NTRK3: variants seen among roughly 807,000 people sequenced by gnomAD.
The protein encoded by NTRK3 is neurotrophic receptor tyrosine kinase 3, also known as NT-3 growth factor receptor.
A neutral mutation model predicts 91.7 loss-of-function variants in NTRK3; 24 were observed. That is an observed-to-expected ratio of 0.26 (90% CI 0.19 to 0.37). The LOEUF is 0.37. NTRK3 is among the 10% of genes least tolerant of loss of function. The pLI is 1.00. For missense variants in NTRK3, 880 were observed against 1,068.9 expected (o/e 0.82, Z 2.46); for synonymous variants, 483 against 404.0 (o/e 1.20, Z -2.34).
At chr15:88,098,112 C>G (rs920363210) in intron 13 of NTRK3, among the ~76,000 whole-genome samples, 7 of 152,186 alleles carry the variant, frequency 4.6e-5, no homozygotes, top group Admixed American at 1.3e-4. Context: ...CTAGTTCAAG[C>G]TGCTACTGAA....
At chr15:87,922,572 T>A (rs908069978) in intron 17 of NTRK3, among the ~76,000 whole-genome samples, 8 of 152,134 alleles carry the variant, frequency 5.3e-5, no homozygotes, top group Non-Finnish European at 7.4e-5. Flanking sequence ...AAACAAAAAA[T>A]GAAATACAAC....
chr15:88,118,609 A>C (rs965241369), intron 13 of NTRK3, among the ~76,000 whole-genome samples: 4 of 152,240 alleles, frequency 2.6e-5, no homozygotes, highest in African/African-American at 9.6e-5. Context: ...GCCAAAAATC[A>C]GTTTGAATTT....
chr15:88,087,460 G>C (rs967726618), intron 13 of NTRK3, among the ~76,000 whole-genome samples: 1 of 152,182 alleles, frequency 6.6e-6, no homozygotes, highest in African/African-American at 2.4e-5. Flanking sequence ...CTGTCACTCA[G>C]CCTCATGAAT....
chr15:88,159,798 G>C (rs925150633), intron 5 of NTRK3, among the ~76,000 whole-genome samples: 1 of 152,006 alleles, frequency 6.6e-6, no homozygotes, highest in Non-Finnish European at 1.5e-5. Context: ...CAATGGGGAC[G>C]TGCCCCTGGC....
intron 5 of NTRK3, among the ~76,000 whole-genome samples, chr15:88,151,242 C>T (rs1320836118): frequency 2.0e-5 from 3 of 152,112 alleles, no homozygotes; most frequent in Admixed American, 2.0e-4. Context: ...GACTACCAAA[C>T]AAAGCCATTA....
chr15:87,977,893 A>G, intron 14 of NTRK3: 1 of 232,784 alleles, frequency 4.3e-6, no homozygotes. Flanking sequence ...TCCCAGTTAA[A>G]TTTGCCAAAG....
intron 13 of NTRK3, among the ~76,000 whole-genome samples, chr15:88,070,817 A>G (rs1332417053): frequency 6.6e-6 from 1 of 152,138 alleles, no homozygotes; most frequent in Non-Finnish European, 1.5e-5. Context: ...TCTTGACAAC[A>G]AGGGGCCTCA....
At chr15:87,894,747 A>G (rs74027281) in intron 17 of NTRK3, among the ~76,000 whole-genome samples, 6,025 of 152,166 alleles carry the variant, frequency 0.04, 412 homozygotes, top group African/African-American at 0.14. Context: ...CCACATATGC[A>G]AGAGGCTGCC....
intron 13 of NTRK3, among the ~76,000 whole-genome samples, chr15:88,097,292 T>G (rs775185453): frequency 7.2e-5 from 11 of 152,236 alleles, no homozygotes; most frequent in Admixed American, 6.5e-4. Flanking sequence ...GGGATATTAT[T>G]GCTACTATCA....
At chr15:88,010,525 A>C (rs2076803863) in intron 14 of NTRK3, among the ~76,000 whole-genome samples, 1 of 152,220 alleles carries the variant, frequency 6.6e-6, no homozygotes, top group Non-Finnish European at 1.5e-5. Context: ...AAAGGATGGG[A>C]AGAATGAAAC....
intron 10 of NTRK3, among the ~76,000 whole-genome samples, chr15:88,132,257 C>G (rs10163123): frequency 0.31 from 47,309 of 152,222 alleles, 7,693 homozygotes; most frequent in African/African-American, 0.4. Flanking sequence ...AGCTCTACAT[C>G]CTAAGAATCT....
chr15:87,952,567 C>G (rs929274483), intron 14 of NTRK3, among the ~76,000 whole-genome samples: 1 of 152,206 alleles, frequency 6.6e-6, no homozygotes, highest in African/African-American at 2.4e-5. Flanking sequence ...CTCCCACAGG[C>G]TTCCTCTGGA....
At chr15:87,906,026 G>A (rs1043110894) in intron 17 of NTRK3, among the ~76,000 whole-genome samples, 2 of 152,174 alleles carry the variant, frequency 1.3e-5, no homozygotes, top group Non-Finnish European at 2.9e-5. Context: ...CCACACATGG[G>A]ACATTCGGGT....
chr15:88,120,499 A>C (rs1399861015), intron 13 of NTRK3, among the ~76,000 whole-genome samples: 1 of 152,194 alleles, frequency 6.6e-6, no homozygotes, highest in Admixed American at 6.5e-5. Context: ...GCATTGCCGG[A>C]AGCCCAAGCA....
intron 14 of NTRK3, among the ~76,000 whole-genome samples, chr15:87,952,206 GAAAGAAGAA>G (rs1028145993): frequency 1.4e-5 from 2 of 140,466 alleles, no homozygotes; most frequent in African/African-American, 5.3e-5. Flanking sequence ...AGGAAAGAAA[GAAAGAAGAA>G]AAGAAAAGAG....
intron 15 of NTRK3, among the ~76,000 whole-genome samples, chr15:87,934,501 C>T (rs2069095292): frequency 6.6e-6 from 1 of 152,140 alleles, no homozygotes; most frequent in Non-Finnish European, 1.5e-5. Context: ...GATCTTTCTC[C>T]TGTCCCTGCA....
chr15:88,006,656 T>A (rs2076510614), intron 14 of NTRK3, among the ~76,000 whole-genome samples: 1 of 152,118 alleles, frequency 6.6e-6, no homozygotes, highest in African/African-American at 2.4e-5. Flanking sequence ...GCAGTGAGCA[T>A]CTCCTTGATG....
exon 19 of NTRK3, chr15:87,865,107 G>C (rs2064629610): frequency 4.7e-6 from 1 of 213,654 alleles, no homozygotes; most frequent in Non-Finnish European, 9.5e-6. Context: ...GCCTGAACTT[G>C]AGCAAAATAT....
chr15:87,871,314 C>A (rs979031543), exon 19 of NTRK3: 2 of 231,404 alleles, frequency 8.6e-6, no homozygotes, highest in African/African-American at 4.4e-5. Flanking sequence ...AGATTCAGCT[C>A]TTCAGGGTAG....
Sources: gnomAD v4.1 joint callset for allele counts (sites outside exome capture counted in the v4.1 genomes callset) on GRCh38, gnomAD v4.1.1 for gene constraint, MANE v1.5 for transcripts, NCBI Gene and HGNC (gene_info 2026-07-23, HGNC 2026-07-21) for gene names.